The following CREB3L3 variants were observed in gnomAD, a reference collection of about 807,000 sequenced individuals.
The protein encoded by CREB3L3 is cyclic AMP-responsive element-binding protein 3-like protein 3.
CREB3L3 carries 40 observed loss-of-function variants against 44.6 expected under a neutral mutation model. The ratio of observed to expected loss-of-function variants is 0.90; its 90% CI spans 0.70 to 1.17. CREB3L3 has a LOEUF of 1.17. Ranked by LOEUF, CREB3L3 falls within the 50% of genes most tolerant of loss-of-function variation. The pLI, the probability that CREB3L3 is intolerant of heterozygous loss-of-function variation, is 0.00. For missense variants in CREB3L3, 578 were observed against 595.8 expected, an observed-to-expected ratio of 0.97 and a Z score of 0.31; for synonymous variants, 273 against 256.3, an observed-to-expected ratio of 1.06 and a Z score of -0.62.
At chr19:4,163,402 A>G (rs571165750) in intron 4 of CREB3L3, among the ~76,000 whole-genome samples, 9 of 152,182 alleles carry the variant, frequency 5.9e-5, no homozygotes, top group African/African-American at 2.2e-4. Flanking sequence ...TCCATATGCC[A>G]TTTTGCGCGT....
chr19:4,165,947 G>C (rs1966896091), intron 5 of CREB3L3, among the ~76,000 whole-genome samples: 1 of 152,112 alleles, frequency 6.6e-6, no homozygotes, highest in Admixed American at 6.6e-5. Flanking sequence ...TCAATTACTT[G>C]AATGTCCTCT....
At chr19:4,162,242 G>T (rs1238493890) in intron 4 of CREB3L3, among the ~76,000 whole-genome samples, 1 of 151,924 alleles carries the variant, frequency 6.6e-6, no homozygotes, top group Non-Finnish European at 1.5e-5. Flanking sequence ...CTGACATCAG[G>T]TGATCCACCC....
intron 2 of CREB3L3, 129 bp downstream of exon 2, chr19:4,155,156 C>A: frequency 8.5e-7 from 1 of 1,171,720 alleles, no homozygotes; most frequent in Non-Finnish European, 1.2e-6. Context: ...ACTAATGGGT[C>A]ACGGTGCTTG....
At chr19:4,169,458 C>T (rs531566032) in intron 6 of CREB3L3, among the ~76,000 whole-genome samples, 1 of 151,636 alleles carries the variant, frequency 6.6e-6, no homozygotes, top group Non-Finnish European at 1.5e-5. Flanking sequence ...CCAGCCTGGG[C>T]GACAGAGCGA....
chr19:4,168,265 C>G (rs921662440), intron 5 of CREB3L3, 86 bp from the exon 6 acceptor site: 13 of 1,018,332 alleles, frequency 1.3e-5, no homozygotes, highest in Middle Eastern at 2.9e-4. Flanking sequence ...TCCCAAAGTG[C>G]TGGGATTACA....
At chr19:4,166,455 A>G (rs1334596433) in intron 5 of CREB3L3, among the ~76,000 whole-genome samples, 6 of 137,238 alleles carry the variant, frequency 4.4e-5, no homozygotes, top group African/African-American at 1.4e-4. Flanking sequence ...GAGTAGAGAC[A>G]GAGTTTCACC....
chr19:4,168,905 T>G (rs1393332450), intron 6 of CREB3L3, among the ~76,000 whole-genome samples: 2 of 152,000 alleles, frequency 1.3e-5, no homozygotes, highest in African/African-American at 4.8e-5. Context: ...GCTAATTTCT[T>G]TGTATTTTTG....
chr19:4,164,492 T>C lies in CREB3L3; in HGVS notation c.577-11T>C. ...CTGCACCCGCCGTCATTCCTCTGAT[T>C]TTTTCCGTAGCAACAGCATCACCTG... is the stretch of plus-strand genomic sequence containing the variant. On this transcript the variant is annotated splice_polypyrimidine_tract_variant and intron_variant, in intron 4 of 9. Transcript: ENST00000078445. 6.2e-7 allele frequency: 1 copy of C among 1,613,906 alleles called. No individual in the cohort carries two copies.
At chr19:4,160,300 A>G (rs1357254338) in intron 4 of CREB3L3, among the ~76,000 whole-genome samples, 1 of 151,874 alleles carries the variant, frequency 6.6e-6, no homozygotes, top group Non-Finnish European at 1.5e-5. Context: ...TCTCAACAAT[A>G]ACAACAACAA....
intron 4 of CREB3L3, among the ~76,000 whole-genome samples, chr19:4,163,351 A>AGAAAGAAAAAAAGAAAGAAAGAAG (rs535753131): frequency 8.5e-6 from 1 of 117,198 alleles, no homozygotes; most frequent in African/African-American, 3.3e-5. Flanking sequence ...AAAGAAAGAA[A>AGAAAGAAAAAAAGAAAGAAAGAAG]GAAGGAAGGA....
intron 2 of CREB3L3, 91 bp from the exon 3 acceptor site, chr19:4,156,904 A>C (rs2041588204): frequency 1.4e-6 from 2 of 1,385,240 alleles, no homozygotes; most frequent in East Asian, 2.3e-5. Context: ...CCTAAGGCCC[A>C]AAGAGGGTCA....
intron 5 of CREB3L3, among the ~76,000 whole-genome samples, chr19:4,167,999 T>TTATTTATC (rs1281649235): frequency 2.7e-5 from 4 of 146,126 alleles, no homozygotes; most frequent in Non-Finnish European, 4.5e-5. Flanking sequence ...ATTTATTTAT[T>TTATTTATC]TATCTATTTA....
Position 4,169,214 on chromosome 19 carries a change from G to A in CREB3L3, c.821+757G>A, listed in dbSNP as rs545215210. Among the ~76,000 whole-genome samples, 8 of 152,056 alleles carry A rather than the reference G, an allele frequency of 5.3e-5. No homozygotes were observed. The East Asian group carries it at 7.8e-4, about 15-fold the overall frequency. On this transcript the variant is annotated intron_variant, in intron 6 of 9. Transcript: ENST00000078445. ...GAGAGATGAAACTTGAATCTCGGCC[G>A]GGCGCCGTGGCTCACACTTGTAATC...
intron 3 of CREB3L3, 44 bp from the exon 4 acceptor site, chr19:4,159,620 C>G (rs764884160): frequency 1.1e-6 from 1 of 896,764 alleles, no homozygotes; most frequent in Non-Finnish European, 1.9e-6. Context: ...GGACTCCCCC[C>G]GTCTGACACT....
intron 4 of CREB3L3, among the ~76,000 whole-genome samples, chr19:4,161,792 G>T (rs957697610): frequency 6.6e-6 from 1 of 152,194 alleles, no homozygotes; most frequent in Admixed American, 6.5e-5. Context: ...GGGATATGCA[G>T]TGAGCACCAG....
intron 3 of CREB3L3, among the ~76,000 whole-genome samples, chr19:4,159,452 G>A (rs918278094): frequency 6.6e-6 from 1 of 152,130 alleles, no homozygotes; most frequent in Non-Finnish European, 1.5e-5. Context: ...TGACTGGCTG[G>A]GTTCCCATCT....
Position 4,168,450 on chromosome 19 carries a change from G to C in CREB3L3, c.814G>C (p.Glu272Gln), listed in dbSNP as rs1465682034. ...GAAGAAGGAATATATCGATGGCCTG[G>C]AGACTCGGTGGGTAGTGCTGGACCC... ...KKKKEYIDGL[E>Q]TRMSACTAQN... Residue 272 changes from glutamate to glutamine, a missense_variant, in exon 6 of 10, where the codon GAG becomes CAG. Glu to Gln is a conservative substitution (Grantham distance 29, BLOSUM62 2). Transcript: ENST00000078445. The C allele has an allele frequency of 2.5e-6, 4 of 1,605,874 alleles. No individual in the cohort carries two copies. In the South Asian group the frequency reaches 4.4e-5, roughly 18 times the overall value.
intron 4 of CREB3L3, among the ~76,000 whole-genome samples, chr19:4,163,180 C>T (rs956958255): frequency 9.9e-5 from 15 of 151,620 alleles, no homozygotes; most frequent in Non-Finnish European, 1.6e-4. Context: ...TGGTGGCGGG[C>T]ACCTGTAGTC....
At chr19:4,156,247 G>C (rs1472232079) in intron 2 of CREB3L3, among the ~76,000 whole-genome samples, 3 of 148,404 alleles carry the variant, frequency 2.0e-5, no homozygotes, top group Non-Finnish European at 4.4e-5. Flanking sequence ...GAGTGCAATG[G>C]TGTGATCTTG....
Sources: allele counts gnomAD v4.1 joint callset (sites outside exome capture counted in the v4.1 genomes callset), GRCh38; gene constraint gnomAD v4.1.1; transcripts MANE v1.5; gene names NCBI Gene and HGNC (gene_info 2026-07-23, HGNC 2026-07-21).